The following LMTK2 variants were observed in gnomAD, a reference collection of about 807,000 sequenced individuals.
The protein encoded by LMTK2 is serine/threonine-protein kinase LMTK2.
In LMTK2, 37 loss-of-function variants were observed where a neutral mutation model predicts 127.5. The observed-to-expected ratio is 0.29, with a 90% CI of 0.22 to 0.38. The LOEUF (loss-of-function observed/expected upper bound fraction) is 0.38. LMTK2 is among the 10% of genes least tolerant of loss of function. The pLI, the probability that LMTK2 is intolerant of heterozygous loss-of-function variation, is 1.00. For synonymous variants in LMTK2, 819 were observed against 810.1 expected, an observed-to-expected ratio of 1.01 and a Z score of -0.19; for missense variants, 1,694 against 1,920.3, an observed-to-expected ratio of 0.88 and a Z score of 2.20.
At chr7:98,160,771 C>T (rs1366534547) in intron 6 of LMTK2, among the ~76,000 whole-genome samples, 3 of 152,184 alleles carry the variant, frequency 2.0e-5, no homozygotes, top group Middle Eastern at 3.4e-3. Flanking sequence ...ATTTTGATGC[C>T]CTGTTATGTA....
rs376677653 is a variant in LMTK2, at chr7:98,147,172, G to A, written c.377-4210G>A. Among the ~76,000 whole-genome samples the A allele has an allele frequency of 1.3e-4, 19 of 151,382 alleles. No individual in the cohort carries two copies. In the South Asian group the frequency reaches 2.3e-3, roughly 18 times the overall value. ...TTTCTCTTGCTGCATTCGGGATTCT[G>A]TGTCTTCGGTTTTCTACAGTTTGTG... On this transcript the variant is annotated intron_variant, in intron 3 of 13. Transcript: ENST00000297293.
chr7:98,202,061 G>T (rs1797711549), intron 11 of LMTK2, among the ~76,000 whole-genome samples: 1 of 151,950 alleles, frequency 6.6e-6, no homozygotes, highest in African/African-American at 2.4e-5. Context: ...GGACTCCAGG[G>T]TTAGACCCTG....
At position 98,193,225 on chromosome 7, in the gene LMTK2, A is replaced by G. The variant is rs1797562848; in HGVS notation, c.2760A>G (p.Glu920=). ...SRVSVGSSLP[E]LGQELHNKPF... ...TGAGTGTAGGGAGTAGTCTCCCGGA[A>G]CTGGGACAGGAATTGCACAATAAAC... The change falls in exon 11 of 14, where the codon GAA becomes GAG. Residue 920 remains glutamate, a synonymous_variant. Coordinates refer to ENST00000297293, the MANE Select transcript of LMTK2 (RefSeq NM_014916.4). The surrounding 1 kb of genome is among the most constrained non-coding windows in gnomAD (Gnocchi z 4.1). The G allele has an allele frequency of 3.7e-6, 6 of 1,613,628 alleles. No individual in the cohort carries two copies. Among genetic ancestry groups the G allele is most frequent in the Admixed American group, 3.3e-5 (2 of 60,008 alleles).
intron 4 of LMTK2, among the ~76,000 whole-genome samples, chr7:98,152,983 A>G (rs564667638): frequency 1.3e-5 from 2 of 152,276 alleles, no homozygotes; most frequent in South Asian, 2.1e-4. Flanking sequence ...AGGCAGTCAG[A>G]TTGACTGCTG....
intron 7 of LMTK2, among the ~76,000 whole-genome samples, chr7:98,178,287 A>C (rs906997294): frequency 1.3e-5 from 2 of 152,198 alleles, no homozygotes; most frequent in African/African-American, 4.8e-5. Flanking sequence ...ATTATTTTGA[A>C]AATGCCTCCT....
At chr7:98,159,227 T>C (rs1796976880) in intron 5 of LMTK2, 111 bp from the exon 6 acceptor site, 7 of 579,994 alleles carry the variant, frequency 1.2e-5, no homozygotes, top group Non-Finnish European at 2.1e-5. Context: ...TATAAATTAT[T>C]ATGAAAAAAT....
rs981972021 is a variant in LMTK2, at chr7:98,194,980, A to T, written c.4107+408A>T. ...GGCTCAAGTGATCCTCCCACCTTCC[A>T]TAATAGCTGGGCCCACAGGTTCATG... On this transcript the variant is annotated intron_variant, in intron 11 of 13. Transcript: ENST00000297293. This position sits in a 1 kb window ranked among gnomAD's most constrained non-coding sequence, Gnocchi z 5.4. Among the ~76,000 whole-genome samples the T allele has an allele frequency of 2.0e-5, 3 of 151,910 alleles. No individual in the cohort carries two copies. The highest frequency in any genetic ancestry group is 4.4e-5 in the Non-Finnish European group (3 of 67,996).
intron 1 of LMTK2, among the ~76,000 whole-genome samples, chr7:98,124,111 G>A (rs1335196061): frequency 6.6e-6 from 1 of 152,108 alleles, no homozygotes; most frequent in African/African-American, 2.4e-5. Flanking sequence ...TTTTTCAAAT[G>A]TCAGGTGATA....
intron 6 of LMTK2, among the ~76,000 whole-genome samples, chr7:98,170,730 A>G (rs1382645710): frequency 1.3e-5 from 2 of 152,218 alleles, no homozygotes; most frequent in Non-Finnish European, 2.9e-5. Flanking sequence ...TTATTCCCTC[A>G]GAAGGTGTTC....
At chr7:98,172,222 G>T (rs1396961360) in intron 7 of LMTK2, among the ~76,000 whole-genome samples, 2 of 152,274 alleles carry the variant, frequency 1.3e-5, no homozygotes, top group African/African-American at 4.8e-5. Flanking sequence ...GGTAGTCAGG[G>T]GCTGCTTGTG....
chr7:98,205,458 C>T lies in LMTK2; in HGVS notation c.4484-6C>T. On this transcript the variant is annotated splice_region_variant and splice_polypyrimidine_tract_variant and intron_variant, in intron 13 of 13. Coordinates refer to ENST00000297293, the MANE Select transcript of LMTK2 (RefSeq NM_014916.4). ...TTTGTCGTCTCGCTTCCTCTCTCCT[C>T]AACAGGAAGCAGCGAAGACGGAGAA... is the stretch of plus-strand genomic sequence containing the variant. 1 of 1,613,734 alleles carries T rather than the reference C, an allele frequency of 6.2e-7. No homozygotes were observed. The highest frequency in any genetic ancestry group is 1.7e-5 in the Admixed American group (1 of 60,032).
chr7:98,155,604 C>T (rs1796916010), intron 5 of LMTK2, among the ~76,000 whole-genome samples: 1 of 151,146 alleles, frequency 6.6e-6, no homozygotes, highest in Admixed American at 6.6e-5. Flanking sequence ...GATTTCTCAT[C>T]AGAAACCTGG....
At chr7:98,175,638 C>T (rs1797265220) in intron 7 of LMTK2, among the ~76,000 whole-genome samples, 1 of 152,226 alleles carries the variant, frequency 6.6e-6, no homozygotes, top group Non-Finnish European at 1.5e-5. Flanking sequence ...CATGAAGTTT[C>T]CTTATTTCCC....
intron 9 of LMTK2, among the ~76,000 whole-genome samples, chr7:98,188,010 A>G (rs1797467196): frequency 1.3e-5 from 2 of 152,136 alleles, no homozygotes; most frequent in South Asian, 2.1e-4. Context: ...GGAACATTCA[A>G]AAGCCGCTCT....
intron 11 of LMTK2, among the ~76,000 whole-genome samples, chr7:98,198,642 C>A (rs1797666094): frequency 6.6e-6 from 1 of 152,176 alleles, no homozygotes; most frequent in South Asian, 2.1e-4. Context: ...AGGCGCCCAC[C>A]ACCGTGCCTG....
At chr7:98,131,147 T>C (rs1203466341) in intron 1 of LMTK2, among the ~76,000 whole-genome samples, 1 of 152,180 alleles carries the variant, frequency 6.6e-6, no homozygotes, top group Non-Finnish European at 1.5e-5. Flanking sequence ...AGTAGGTCAC[T>C]ATCTCCAAAA....
chr7:98,134,238 C>T (rs1393990333), intron 1 of LMTK2, among the ~76,000 whole-genome samples: 2 of 152,110 alleles, frequency 1.3e-5, no homozygotes, highest in African/African-American at 4.8e-5. Flanking sequence ...TGTATTTTAT[C>T]AAATGTCAGA....
intron 6 of LMTK2, among the ~76,000 whole-genome samples, chr7:98,168,463 G>A (rs1797136068): frequency 6.6e-6 from 1 of 152,204 alleles, no homozygotes; most frequent in South Asian, 2.1e-4. Context: ...AGCAGAAGCG[G>A]GGGTGTTGCG....
At chr7:98,203,205 C>G (rs536579654) in intron 11 of LMTK2, among the ~76,000 whole-genome samples, 6 of 152,348 alleles carry the variant, frequency 3.9e-5, no homozygotes, top group Admixed American at 1.3e-4. Flanking sequence ...GCACTGTGTC[C>G]AGGGCAGTGC....
Sources: allele counts gnomAD v4.1 joint callset (sites outside exome capture counted in the v4.1 genomes callset), GRCh38; gene constraint gnomAD v4.1.1; non-coding constraint Gnocchi (gnomAD v3.1); transcripts MANE v1.5; gene names NCBI Gene and HGNC (gene_info 2026-07-23, HGNC 2026-07-21).